MED12L: variants seen among roughly 807,000 people sequenced by gnomAD.
MED12L encodes the protein mediator complex subunit 12L.
In MED12L, 60 loss-of-function variants were observed where a neutral mutation model predicts 281.3. That is an observed-to-expected ratio of 0.21 (90% confidence interval 0.17 to 0.26). The LOEUF is 0.26. Ranked by LOEUF, MED12L falls within the 10% of genes least tolerant of loss-of-function variation. The probability of loss-of-function intolerance (pLI) is 1.00; values close to 1 mark genes in which losing one functional copy is unlikely to be tolerated. For missense variants in MED12L, 2,146 were observed against 2,680.9 expected (o/e 0.80, Z 4.41); for synonymous variants, 974 against 987.2 (o/e 0.99, Z 0.25).
At chr3:151,131,838 G>T (rs1359180527) in intron 5 of MED12L, among the ~76,000 whole-genome samples, 1 of 151,806 alleles carries the variant, frequency 6.6e-6, no homozygotes, top group Non-Finnish European at 1.5e-5. Context: ...CACTATGGCT[G>T]GTTGGACTTT....
At chr3:151,417,480 C>A (rs1360203441) in intron 43 of MED12L, among the ~76,000 whole-genome samples, 5 of 104,404 alleles carry the variant, frequency 4.8e-5, no homozygotes, top group Non-Finnish European at 9.8e-5. Context: ...CCCAGCTCCC[C>A]CCCCGCCTTT....
chr3:151,334,577 C>G (rs1750750012), intron 16 of MED12L, among the ~76,000 whole-genome samples: 1 of 152,078 alleles, frequency 6.6e-6, no homozygotes, highest in Non-Finnish European at 1.5e-5. Context: ...TCAATCTCGG[C>G]TCACTGCAAC....
intron 16 of MED12L, among the ~76,000 whole-genome samples, chr3:151,311,341 A>G (rs1308628642): frequency 1.3e-5 from 2 of 151,970 alleles, no homozygotes; most frequent in African/African-American, 2.4e-5. Flanking sequence ...GTGTATATAT[A>G]TATATTTAGT....
chr3:151,389,597 T>G (rs1713915071), intron 37 of MED12L, among the ~76,000 whole-genome samples: 1 of 152,214 alleles, frequency 6.6e-6, no homozygotes, highest in Non-Finnish European at 1.5e-5. Flanking sequence ...GGCGTAATTC[T>G]CCAGACCCAA....
intron 16 of MED12L, among the ~76,000 whole-genome samples, chr3:151,296,472 T>TAA (rs1448524939): frequency 6.6e-6 from 1 of 152,130 alleles, no homozygotes; most frequent in Non-Finnish European, 1.5e-5. Context: ...GACAAACCTG[T>TAA]TTTTGTAAGA....
intron 16 of MED12L, among the ~76,000 whole-genome samples, chr3:151,249,818 C>T (rs1282154966): frequency 6.6e-6 from 1 of 152,086 alleles, no homozygotes; most frequent in East Asian, 1.9e-4. Flanking sequence ...TGAAATTATG[C>T]TCTGGATTAA....
chr3:151,390,658 C>T (rs570786810), intron 38 of MED12L, among the ~76,000 whole-genome samples: 1 of 152,304 alleles, frequency 6.6e-6, no homozygotes, highest in African/African-American at 2.4e-5. Flanking sequence ...GAAAACATCT[C>T]TTAATGAAAA....
At chr3:151,326,658 C>T (rs1435675011) in intron 16 of MED12L, 2 of 152,058 alleles carry the variant, frequency 1.3e-5, no homozygotes, top group African/African-American at 4.8e-5. Flanking sequence ...GTATAAAGTT[C>T]AAGAGATGGA....
chr3:151,357,167 T>G, intron 19 of MED12L, 46 bp from the exon 20 acceptor site: 1 of 1,462,256 alleles, frequency 6.8e-7, no homozygotes, highest in South Asian at 1.3e-5. Flanking sequence ...TTTTCTCTAT[T>G]TGTTTTGGCA....
Position 151,136,914 on chromosome 3 carries a change from A to G in MED12L, c.556+8930A>G, listed in dbSNP as rs999539001. On this transcript the variant is annotated intron_variant, in intron 5 of 44. Transcript: ENST00000687756. ...TGCGGTGGCTCACACCTGTAATTCC[A>G]GCACTTTGGGAGGCTAAGGTGGGTG... Among the ~76,000 whole-genome samples, 3 of 152,306 alleles carry G rather than the reference A, an allele frequency of 2.0e-5. 1 individual carries two copies. The highest frequency in any genetic ancestry group is 1.5e-5 in the Non-Finnish European group (1 of 68,022).
At chr3:151,370,581 G>A (rs1002478064) in intron 26 of MED12L, among the ~76,000 whole-genome samples, 4 of 152,108 alleles carry the variant, frequency 2.6e-5, no homozygotes, top group African/African-American at 7.2e-5. Flanking sequence ...GAGTGTAGGC[G>A]CTTATAGATT....
Position 151,300,067 on chromosome 3 carries a change from T to C in MED12L, c.2251-49992T>C, listed in dbSNP as rs141290943. 3.1e-6 allele frequency: 5 copies of C among 1,594,436 alleles called. No individual in the cohort carries two copies. The East Asian group carries it at 1.1e-4, about 36-fold the overall frequency. On this transcript the variant is annotated intron_variant, in intron 16 of 44. Coordinates refer to ENST00000687756, the MANE Select transcript of MED12L (RefSeq NM_001393769.1). ...CTTTGTATCTCTTACGACGGCTTAC[T>C]TGGTAATTTTGCAAGCGTCAAGTTG...
At chr3:151,205,429 A>G (rs1330696530) in intron 16 of MED12L, among the ~76,000 whole-genome samples, 3 of 152,258 alleles carry the variant, frequency 2.0e-5, no homozygotes, top group Admixed American at 2.0e-4. Flanking sequence ...TCCTATCCAT[A>G]CAAAACGTGC....
intron 20 of MED12L, among the ~76,000 whole-genome samples, chr3:151,359,454 T>G (rs1302893963): frequency 2.0e-5 from 3 of 152,144 alleles, no homozygotes; most frequent in Non-Finnish European, 4.4e-5. Context: ...AGAAGTCTCC[T>G]TGGTTCCACC....
intron 16 of MED12L, among the ~76,000 whole-genome samples, chr3:151,342,497 A>G (rs143141393): frequency 3.3e-5 from 5 of 152,342 alleles, no homozygotes; most frequent in Admixed American, 6.5e-5. Context: ...TTGGGCACCA[A>G]TCTAGCTGAG....
At chr3:151,355,345 T>C (rs1753777526) in intron 18 of MED12L, 106 bp downstream of exon 18, 4 of 679,682 alleles carry the variant, frequency 5.9e-6, no homozygotes, top group Middle Eastern at 3.0e-4. Context: ...AGACATATAT[T>C]TTATAAACAT....
At chr3:151,280,602 C>G (rs1324847675) in intron 16 of MED12L, among the ~76,000 whole-genome samples, 1 of 151,996 alleles carries the variant, frequency 6.6e-6, no homozygotes, top group Non-Finnish European at 1.5e-5. Flanking sequence ...AAAACAAAAC[C>G]TGAGTGTGCA....
intron 16 of MED12L, among the ~76,000 whole-genome samples, chr3:151,264,642 A>G (rs1399848589): frequency 6.6e-6 from 1 of 152,196 alleles, no homozygotes; most frequent in Non-Finnish European, 1.5e-5. Flanking sequence ...TGTCATAATC[A>G]ATGCTGGGAG....
At chr3:151,352,027 A>G (rs558220798) in intron 17 of MED12L, among the ~76,000 whole-genome samples, 6 of 152,298 alleles carry the variant, frequency 3.9e-5, no homozygotes, top group Admixed American at 1.3e-4. Flanking sequence ...TGGATTTTGG[A>G]TAGTTTCACA....
Sources: allele counts gnomAD v4.1 joint callset (sites outside exome capture counted in the v4.1 genomes callset), GRCh38; gene constraint gnomAD v4.1.1; transcripts MANE v1.5; gene names NCBI Gene and HGNC (gene_info 2026-07-23, HGNC 2026-07-21).